The following ANAPC11 variants were observed in gnomAD, a reference collection of about 807,000 sequenced individuals.
The protein encoded by ANAPC11 is anaphase-promoting complex subunit 11.
Under a neutral mutation model 11.8 loss-of-function variants are expected in ANAPC11, and 5 were observed. The observed-to-expected ratio is 0.42, with a 90% confidence interval of 0.22 to 0.89. The LOEUF (loss-of-function observed/expected upper bound fraction) is 0.89. Ranked by LOEUF, ANAPC11 falls within the 40% of genes least tolerant of loss-of-function variation. The pLI, the probability that ANAPC11 is intolerant of heterozygous loss-of-function variation, is 0.28. For synonymous variants in ANAPC11, 45 were observed against 41.0 expected (o/e 1.10, Z -0.38); for missense variants, 68 against 112.9 (o/e 0.60, Z 1.80).
chr17:81,891,351 C>T (rs1598293294), upstream of ANAPC11: 2 of 1,159,208 alleles, frequency 1.7e-6, no homozygotes, highest in East Asian at 4.7e-5. Context: ...TCGGTTCCTG[C>T]CGCCTCCGCC....
At chr17:81,896,834 A>G (rs1329462162) in intron 3 of ANAPC11, among the ~76,000 whole-genome samples, 1 of 89,910 alleles carries the variant, frequency 1.1e-5, no homozygotes, top group African/African-American at 4.5e-5. Flanking sequence ...TTTTTTTGAG[A>G]TAGAGTCTTG....
chr17:81,891,732 G>A lies in ANAPC11; in HGVS notation c.-184G>A, dbSNP rs1286792350. 5 of 603,280 alleles carry A rather than the reference G, an allele frequency of 8.3e-6. No homozygotes were observed. The highest frequency in any genetic ancestry group is 2.0e-5 in the African/African-American group (1 of 49,066). The allele number at this position is 603,280 out of a possible 1,614,324, so 37.4% of individuals were successfully genotyped here. ...TGAGGCGGGGAGGCGCGTGCGCACT[G>A]GCGTGCGAGACTCGGCGGGCGCTGT... On this transcript the variant is annotated 5_prime_UTR_variant, in exon 1 of 4. Coordinates refer to ENST00000344877, the MANE Select transcript of ANAPC11 (RefSeq NM_001002248.3).
At chr17:81,896,738 A>C (rs898751310) in intron 3 of ANAPC11, among the ~76,000 whole-genome samples, 2 of 147,770 alleles carry the variant, frequency 1.4e-5, no homozygotes, top group African/African-American at 5.0e-5. Flanking sequence ...CCTGGGCTCC[A>C]GCCATCCTAC....
At chr17:81,891,168 A>G (rs1268303729), upstream of ANAPC11, among the ~76,000 whole-genome samples, 1 of 41,846 alleles carries the variant, frequency 2.4e-5, no homozygotes, top group South Asian at 9.2e-4. Flanking sequence ...CCCGCCCACC[A>G]CCCCCTCCGC....
At chr17:81,894,444 T>C in intron 2 of ANAPC11, 23 bp from the exon 3 acceptor site, 4 of 1,455,128 alleles carry the variant, frequency 2.7e-6, no homozygotes, top group Non-Finnish European at 3.8e-6. Context: ...ATTTAGCCAG[T>C]CGTCCTGTTC....
At chr17:81,898,150 AAG>A (rs1268434062) in intron 3 of ANAPC11, 1 of 152,254 alleles carries the variant, frequency 6.6e-6, no homozygotes, top group Non-Finnish European at 1.5e-5. Context: ...GGATGTAACA[AAG>A]AGTGCGTGGG....
intron 3 of ANAPC11, 73 bp from the exon 4 acceptor site, chr17:81,899,847 C>T: frequency 1.3e-6 from 2 of 1,485,414 alleles, no homozygotes; most frequent in Non-Finnish European, 1.8e-6. Context: ...CTACCTGCAC[C>T]CCTGCCTGGC....
intron 3 of ANAPC11, chr17:81,894,821 G>A (rs994114791): frequency 5.6e-5 from 23 of 407,808 alleles, no homozygotes; most frequent in Non-Finnish European, 7.4e-5. Context: ...GGGTTCAAAC[G>A]GTTCTCCTGC....
chr17:81,898,352 C>T (rs904582653), intron 3 of ANAPC11: 1 of 152,252 alleles, frequency 6.6e-6, no homozygotes, highest in Non-Finnish European at 1.5e-5. Context: ...GCCTGCAGAG[C>T]CCGCCCTGCA....
intron 3 of ANAPC11, among the ~76,000 whole-genome samples, chr17:81,895,387 TA>T (rs1277396904): frequency 2.6e-5 from 4 of 151,966 alleles, no homozygotes; most frequent in African/African-American, 9.7e-5. Context: ...GAAAAGTTGA[TA>T]GAAAAAAAGC....
chr17:81,896,403 CAA>C (rs2039743073), intron 3 of ANAPC11, among the ~76,000 whole-genome samples: 1 of 151,770 alleles, frequency 6.6e-6, no homozygotes, highest in South Asian at 2.1e-4. Flanking sequence ...GCCTGGGCAA[CAA>C]GAGTGAAACT....
chr17:81,898,841 G>A (rs957819443), intron 3 of ANAPC11: 4 of 219,154 alleles, frequency 1.8e-5, no homozygotes, highest in South Asian at 1.8e-4. Context: ...GGCCGGCTTC[G>A]GGTGGGGAAT....
At chr17:81,895,178 C>T (rs1467472485) in intron 3 of ANAPC11, among the ~76,000 whole-genome samples, 1 of 151,210 alleles carries the variant, frequency 6.6e-6, no homozygotes, top group Non-Finnish European at 1.5e-5. Flanking sequence ...CCTCAGCCTT[C>T]CAAGTACCTG....
intron 3 of ANAPC11, chr17:81,899,195 T>G (rs1370643626): frequency 6.4e-7 from 1 of 1,574,004 alleles, no homozygotes; most frequent in East Asian, 2.2e-5. Context: ...TCAGGGACAC[T>G]CATTTCTCTT....
intron 3 of ANAPC11, chr17:81,899,311 G>T: frequency 6.2e-7 from 1 of 1,613,446 alleles, no homozygotes; most frequent in Non-Finnish European, 8.5e-7. Flanking sequence ...GTCCTGGGAG[G>T]CAGGGCCCAT....
chr17:81,892,424 G>A (rs2039571680), intron 1 of ANAPC11, among the ~76,000 whole-genome samples: 1 of 151,698 alleles, frequency 6.6e-6, no homozygotes, highest in Admixed American at 6.6e-5. Flanking sequence ...AGCCGTGGTG[G>A]CACCACTGCA....
intron 3 of ANAPC11, chr17:81,899,188 G>A (rs2039848121): frequency 1.3e-6 from 2 of 1,554,224 alleles, no homozygotes; most frequent in South Asian, 2.3e-5. Context: ...TTGGAGATCA[G>A]GGACACTCAT....
chr17:81,899,672 C>A, intron 3 of ANAPC11: 1 of 1,189,618 alleles, frequency 8.4e-7, no homozygotes. Flanking sequence ...AGGGGAGGCG[C>A]CTGCTGCGGT....
upstream of ANAPC11, chr17:81,891,359 G>A (rs1237802709): frequency 3.5e-6 from 4 of 1,152,500 alleles, no homozygotes; most frequent in South Asian, 2.9e-5. Flanking sequence ...TGCCGCCTCC[G>A]CCGGCCGCGC....
Sources: gnomAD v4.1 joint callset for allele counts (sites outside exome capture counted in the v4.1 genomes callset) on GRCh38, gnomAD v4.1.1 for gene constraint, MANE v1.5 for transcripts, NCBI Gene and HGNC (gene_info 2026-07-23, HGNC 2026-07-21) for gene names.